The following L3MBTL4 variants were observed in gnomAD, a reference collection of about 807,000 sequenced individuals.
L3MBTL4 encodes the protein lethal(3)malignant brain tumor-like protein 4.
Under a neutral mutation model 84.5 loss-of-function variants are expected in L3MBTL4, and 70 were observed. The observed-to-expected ratio is 0.83, with a 90% CI of 0.68 to 1.01. The LOEUF is 1.01. L3MBTL4 is among the 50% of genes least tolerant of loss of function. The pLI, the probability that L3MBTL4 is intolerant of heterozygous loss-of-function variation, is 0.00. For synonymous variants in L3MBTL4, 274 were observed against 259.8 expected, an observed-to-expected ratio of 1.05 and a Z score of -0.52; for missense variants, 715 against 754.8, an observed-to-expected ratio of 0.95 and a Z score of 0.62.
chr18:6,164,719 A>T (rs911565456), intron 13 of L3MBTL4, among the ~76,000 whole-genome samples: 3 of 152,180 alleles, frequency 2.0e-5, no homozygotes, highest in Non-Finnish European at 4.4e-5. Flanking sequence ...ATGAAACCAC[A>T]AAGATGGGTA....
At chr18:6,303,766 C>T (rs2050446604) in intron 3 of L3MBTL4, among the ~76,000 whole-genome samples, 2 of 151,958 alleles carry the variant, frequency 1.3e-5, no homozygotes, top group African/African-American at 2.4e-5. Flanking sequence ...ATAGACTGCA[C>T]ATTTGGAAGG....
intron 1 of L3MBTL4, among the ~76,000 whole-genome samples, chr18:6,372,565 G>A (rs77980641): frequency 1.1e-3 from 171 of 152,004 alleles, no homozygotes; most frequent in Non-Finnish European, 2.1e-3. Context: ...CCATTCTTCC[G>A]CAAGGCCTCT....
At chr18:6,140,908 T>G (rs1486301433) in intron 13 of L3MBTL4, among the ~76,000 whole-genome samples, 1 of 151,890 alleles carries the variant, frequency 6.6e-6, no homozygotes, top group Non-Finnish European at 1.5e-5. Context: ...GCACATTTGT[T>G]TTAATATCAC....
intron 5 of L3MBTL4, among the ~76,000 whole-genome samples, chr18:6,245,666 T>C (rs935105083): frequency 4.0e-5 from 6 of 150,886 alleles, no homozygotes; most frequent in Admixed American, 2.6e-4. Flanking sequence ...CTCAGCTCAC[T>C]GCAACCTCCG....
chr18:6,345,237 G>GAAAAAAAA (rs60415566), intron 1 of L3MBTL4, among the ~76,000 whole-genome samples: 1 of 111,690 alleles, frequency 9.0e-6, no homozygotes, highest in African/African-American at 3.3e-5. Flanking sequence ...AAAAAAAAAA[G>GAAAAAAAA]AAAAAAAAAA....
At chr18:6,198,922 A>G (rs928947859) in intron 12 of L3MBTL4, among the ~76,000 whole-genome samples, 13 of 152,214 alleles carry the variant, frequency 8.5e-5, no homozygotes, top group Non-Finnish European at 1.6e-4. Context: ...AGAAAGGCCA[A>G]TTTAAATATT....
intron 13 of L3MBTL4, among the ~76,000 whole-genome samples, chr18:6,164,426 C>G (rs2043534922): frequency 6.6e-6 from 1 of 152,222 alleles, no homozygotes; most frequent in Non-Finnish European, 1.5e-5. Flanking sequence ...TGGGAGGCAC[C>G]CCCCGCTAGG....
chr18:6,246,242 T>C (rs2047659513), intron 5 of L3MBTL4, among the ~76,000 whole-genome samples: 2 of 152,226 alleles, frequency 1.3e-5, no homozygotes, highest in Admixed American at 1.3e-4. Context: ...CTCTCTCCCA[T>C]TTGATCTAAT....
intron 16 of L3MBTL4, among the ~76,000 whole-genome samples, chr18:6,056,564 G>A (rs570032525): frequency 2.6e-4 from 39 of 152,256 alleles, no homozygotes; most frequent in African/African-American, 8.7e-4. Flanking sequence ...CAGCTGCTTT[G>A]AGAGGTAGAG....
intron 14 of L3MBTL4, among the ~76,000 whole-genome samples, chr18:6,120,058 G>C (rs2059477155): frequency 6.6e-6 from 1 of 152,192 alleles, no homozygotes; most frequent in African/African-American, 2.4e-5. Context: ...AGCCCAAGCT[G>C]AGTCTTATGG....
chr18:6,068,317 T>C lies in L3MBTL4; in HGVS notation c.1444+12564A>G, dbSNP rs143428820. Among the ~76,000 whole-genome samples, 203 of 152,232 alleles carry C rather than the reference T, an allele frequency of 1.3e-3. 1 individual carries two copies. Among genetic ancestry groups the C allele is most frequent in the African/African-American group, 4.6e-3 (191 of 41,540 alleles). ...GAGGTATCCCTGGGGTAGGTATTGG[T>C]GGTAGCTAAAGAGATGCATAGATAT... is the stretch of plus-strand genomic sequence containing the variant. On this transcript the variant is annotated intron_variant, in intron 16 of 18. Transcript: ENST00000317931.
chr18:6,176,686 T>A (rs2044239164), intron 12 of L3MBTL4, among the ~76,000 whole-genome samples: 1 of 152,208 alleles, frequency 6.6e-6, no homozygotes, highest in African/African-American at 2.4e-5. Context: ...ACCCATATAA[T>A]AATAAATTAA....
chr18:6,261,753 C>T (rs2048409590), intron 5 of L3MBTL4, among the ~76,000 whole-genome samples: 1 of 152,160 alleles, frequency 6.6e-6, no homozygotes, highest in African/African-American at 2.4e-5. Context: ...CTCAATCCTG[C>T]AGGTGTTCTT....
At chr18:6,118,417 T>A (rs2059424633) in intron 14 of L3MBTL4, among the ~76,000 whole-genome samples, 1 of 152,184 alleles carries the variant, frequency 6.6e-6, no homozygotes, top group South Asian at 2.1e-4. Context: ...AAAACATACC[T>A]TTCTGCACCA....
chr18:6,175,009 A>T (rs1263439508), intron 12 of L3MBTL4, among the ~76,000 whole-genome samples: 2 of 152,142 alleles, frequency 1.3e-5, no homozygotes, highest in East Asian at 3.8e-4. Flanking sequence ...AACAAAACCA[A>T]CGCAGAAAGG....
intron 5 of L3MBTL4, among the ~76,000 whole-genome samples, chr18:6,247,466 A>ATTTTTTTTTTT (rs71163266): frequency 2.0e-5 from 1 of 49,642 alleles, no homozygotes; most frequent in African/African-American, 1.0e-4. Context: ...CCCTCCTCTG[A>ATTTTTTTTTTT]TTTTTTTTTT....
intron 13 of L3MBTL4, among the ~76,000 whole-genome samples, chr18:6,139,256 T>C (rs1323169854): frequency 6.6e-6 from 1 of 152,126 alleles, no homozygotes; most frequent in Admixed American, 6.5e-5. Context: ...TATACTACAC[T>C]GTACTATAAG....
intron 16 of L3MBTL4, among the ~76,000 whole-genome samples, chr18:5,986,683 G>C (rs1012678988): frequency 1.2e-4 from 19 of 152,362 alleles, no homozygotes; most frequent in African/African-American, 4.3e-4. Context: ...GGAACTGCCT[G>C]AGTGAGTCTG....
chr18:6,266,918 G>A (rs949808987), intron 4 of L3MBTL4, among the ~76,000 whole-genome samples: 20 of 151,664 alleles, frequency 1.3e-4, no homozygotes, highest in South Asian at 4.2e-4. Flanking sequence ...GTGAAACTCC[G>A]TCTCAGAAAA....
Sources: gnomAD v4.1 joint callset for allele counts (sites outside exome capture counted in the v4.1 genomes callset) on GRCh38, gnomAD v4.1.1 for gene constraint, MANE v1.5 for transcripts, NCBI Gene and HGNC (gene_info 2026-07-23, HGNC 2026-07-21) for gene names.